Variants in SPOCK1 observed in about 807,000 individuals in gnomAD.
SPOCK1 encodes testican-1.
Under a neutral mutation model 55.3 loss-of-function variants are expected in SPOCK1, and 23 were observed. That is an observed-to-expected ratio of 0.42 (90% CI 0.30 to 0.59). SPOCK1 has a LOEUF of 0.59. SPOCK1 is among the 20% of genes least tolerant of loss of function. The pLI, the probability that SPOCK1 is intolerant of heterozygous loss-of-function variation, is 0.22. For missense variants in SPOCK1, 499 were observed against 552.5 expected (o/e 0.90, Z 0.97); for synonymous variants, 226 against 221.0 (o/e 1.02, Z -0.20).
At chr5:137,259,110 A>T (rs1433819411) in intron 3 of SPOCK1, among the ~76,000 whole-genome samples, 1 of 152,218 alleles carries the variant, frequency 6.6e-6, no homozygotes, top group African/African-American at 2.4e-5. Flanking sequence ...ATGGCCTACA[A>T]GACAGCTGTG....
intron 6 of SPOCK1, among the ~76,000 whole-genome samples, chr5:137,022,692 A>C (rs868764953): frequency 2.6e-5 from 4 of 152,298 alleles, no homozygotes; most frequent in Admixed American, 1.3e-4. Context: ...ATCAATTTAC[A>C]TGTCTCAAGG....
intron 3 of SPOCK1, among the ~76,000 whole-genome samples, chr5:137,179,336 T>C (rs1754922361): frequency 1.3e-5 from 2 of 152,188 alleles, no homozygotes; most frequent in Non-Finnish European, 2.9e-5. Flanking sequence ...TGATTTTGTC[T>C]CACAAAAGGC....
At chr5:137,456,758 T>C (rs1753376477) in intron 2 of SPOCK1, among the ~76,000 whole-genome samples, 1 of 152,158 alleles carries the variant, frequency 6.6e-6, no homozygotes, top group Non-Finnish European at 1.5e-5. Flanking sequence ...ATGGATACCG[T>C]GGTAGACTGA....
chr5:137,387,855 A>T (rs924752801), intron 2 of SPOCK1, among the ~76,000 whole-genome samples: 1 of 127,654 alleles, frequency 7.8e-6, no homozygotes. Flanking sequence ...GTAAATTTAA[A>T]ACTGCTAAAA....
chr5:137,333,851 G>A (rs1758236138), intron 2 of SPOCK1, among the ~76,000 whole-genome samples: 1 of 152,162 alleles, frequency 6.6e-6, no homozygotes, highest in African/African-American at 2.4e-5. Flanking sequence ...CCAAACAGAT[G>A]TGTCTGTTTG....
intron 5 of SPOCK1, among the ~76,000 whole-genome samples, chr5:137,105,349 G>A (rs1753344224): frequency 6.6e-6 from 1 of 152,054 alleles, no homozygotes. Context: ...GTGGGAGCAG[G>A]ACTATCCAAA....
At chr5:137,424,011 C>G (rs6596381) in intron 2 of SPOCK1, among the ~76,000 whole-genome samples, 139,847 of 152,078 alleles carry the variant, frequency 0.92, 65,058 homozygotes, top group East Asian at 1. Context: ...CATACAGATA[C>G]CTGGTTGTTC....
chr5:137,001,164 G>A (rs1379526582), intron 6 of SPOCK1, among the ~76,000 whole-genome samples: 1 of 152,204 alleles, frequency 6.6e-6, no homozygotes, highest in East Asian at 1.9e-4. Flanking sequence ...ACTAGTATTA[G>A]GACCACGAGG....
At chr5:137,416,059 C>G (rs1752320543) in intron 2 of SPOCK1, among the ~76,000 whole-genome samples, 1 of 151,660 alleles carries the variant, frequency 6.6e-6, no homozygotes, top group South Asian at 2.1e-4. Context: ...TTAAAATCAG[C>G]CAGAGGAAAA....
At chr5:137,059,877 A>T (rs1752364122) in intron 6 of SPOCK1, among the ~76,000 whole-genome samples, 1 of 152,242 alleles carries the variant, frequency 6.6e-6, no homozygotes, top group African/African-American at 2.4e-5. Context: ...CATTAGAGAA[A>T]CATATCAAAA....
intron 3 of SPOCK1, among the ~76,000 whole-genome samples, chr5:137,185,136 TG>T (rs1755041284): frequency 6.6e-6 from 1 of 151,186 alleles, no homozygotes; most frequent in Non-Finnish European, 1.5e-5. Flanking sequence ...GAGGAAAAAA[TG>T]GAAAGGGTCA....
At chr5:137,455,791 G>A (rs990936605) in intron 2 of SPOCK1, among the ~76,000 whole-genome samples, 4 of 152,132 alleles carry the variant, frequency 2.6e-5, no homozygotes, top group African/African-American at 4.8e-5. Flanking sequence ...CACTTTGAGA[G>A]GTCGAGGTGG....
chr5:137,357,714 T>A (rs1055893658), intron 2 of SPOCK1, among the ~76,000 whole-genome samples: 10 of 152,182 alleles, frequency 6.6e-5, no homozygotes, highest in Non-Finnish European at 1.5e-4. Flanking sequence ...AGACTACATA[T>A]TTCCTTTAAA....
At chr5:137,379,739 G>A (rs1431417621) in intron 2 of SPOCK1, among the ~76,000 whole-genome samples, 1 of 152,170 alleles carries the variant, frequency 6.6e-6, no homozygotes, top group Non-Finnish European at 1.5e-5. Flanking sequence ...GATGAGCCAA[G>A]ACATGCTTGG....
intron 2 of SPOCK1, among the ~76,000 whole-genome samples, chr5:137,353,262 T>A (rs1483557357): frequency 6.6e-6 from 1 of 152,134 alleles, no homozygotes; most frequent in Non-Finnish European, 1.5e-5. Context: ...ACGCCTGTAG[T>A]CCCAACTACT....
intron 2 of SPOCK1, among the ~76,000 whole-genome samples, chr5:137,305,160 A>G (rs1171743044): frequency 2.0e-5 from 3 of 152,202 alleles, no homozygotes; most frequent in African/African-American, 7.2e-5. Flanking sequence ...TTATGTCTTT[A>G]CACTGTTAGT....
At chr5:137,341,311 G>C (rs565885922) in intron 2 of SPOCK1, among the ~76,000 whole-genome samples, 2 of 152,206 alleles carry the variant, frequency 1.3e-5, no homozygotes, top group Non-Finnish European at 2.9e-5. Flanking sequence ...TTTAAGATCT[G>C]CTCAGAATAA....
chr5:137,216,534 A>T (rs1580812004), intron 3 of SPOCK1, among the ~76,000 whole-genome samples: 1 of 152,190 alleles, frequency 6.6e-6, no homozygotes, highest in East Asian at 1.9e-4. Context: ...AATGTTGTAA[A>T]ACCCCATCTC....
chr5:137,014,355 G>C (rs1751410114), intron 6 of SPOCK1, among the ~76,000 whole-genome samples: 2 of 152,114 alleles, frequency 1.3e-5, no homozygotes, highest in Non-Finnish European at 2.9e-5. Context: ...CCCAGTCTCA[G>C]AGGTATTTCT....
Sources: gnomAD v4.1 joint callset for allele counts (sites outside exome capture counted in the v4.1 genomes callset) on GRCh38, gnomAD v4.1.1 for gene constraint, MANE v1.5 for transcripts, NCBI Gene and HGNC (gene_info 2026-07-23, HGNC 2026-07-21) for gene names.